The following EPHA3 variants were observed in gnomAD, a reference collection of about 807,000 sequenced individuals.
The protein encoded by EPHA3 is ephrin type-A receptor 3.
EPHA3 carries 42 observed loss-of-function variants against 107.1 expected under a neutral mutation model. The ratio of observed to expected loss-of-function variants is 0.39; its 90% CI spans 0.31 to 0.51. The LOEUF (loss-of-function observed/expected upper bound fraction) is 0.51. EPHA3 is among the 20% of genes least tolerant of loss of function. The pLI is 0.78. For synonymous variants in EPHA3, 461 were observed against 424.8 expected (o/e 1.09, Z -1.05); for missense variants, 1,183 against 1,211.2 (o/e 0.98, Z 0.35).
intron 3 of EPHA3, among the ~76,000 whole-genome samples, chr3:89,304,856 C>T (rs1706575386): frequency 6.6e-6 from 1 of 152,106 alleles, no homozygotes; most frequent in African/African-American, 2.4e-5. Context: ...ACTGATTAAT[C>T]CTAAGCACCT....
chr3:89,419,455 C>T (rs768714727), intron 11 of EPHA3, 65 bp downstream of exon 11: 95 of 1,399,456 alleles, frequency 6.8e-5, no homozygotes, highest in African/African-American at 1.0e-4. Flanking sequence ...AAACCCAACC[C>T]CAACCATTTA....
chr3:89,276,922 T>C (rs763205439), intron 3 of EPHA3, among the ~76,000 whole-genome samples: 8 of 152,162 alleles, frequency 5.3e-5, no homozygotes, highest in Non-Finnish European at 1.0e-4. Flanking sequence ...ATGTTATGGA[T>C]CAATTTAACA....
At chr3:89,422,981 CAT>C (rs916808676) in intron 11 of EPHA3, among the ~76,000 whole-genome samples, 7 of 151,314 alleles carry the variant, frequency 4.6e-5, no homozygotes, top group Non-Finnish European at 1.0e-4. Flanking sequence ...AAGGTACTAA[CAT>C]GTGTTATCAA....
At chr3:89,208,460 A>AAGAAAGAAAGAAAGAAAGAAAG (rs1706172978) in intron 2 of EPHA3, among the ~76,000 whole-genome samples, 6 of 105,056 alleles carry the variant, frequency 5.7e-5, no homozygotes, top group South Asian at 3.0e-4. Context: ...GAAAGAAAGA[A>AAGAAAGAAAGAAAGAAAGAAAG]AGAAAGAAAG....
At chr3:89,340,216 A>T (rs771922605) in intron 3 of EPHA3, among the ~76,000 whole-genome samples, 7 of 152,230 alleles carry the variant, frequency 4.6e-5, no homozygotes, top group Non-Finnish European at 8.8e-5. Flanking sequence ...AATTAAAAAG[A>T]TAACACAGTT....
intron 2 of EPHA3, among the ~76,000 whole-genome samples, chr3:89,181,032 CAT>C (rs1205736427): frequency 1.3e-5 from 2 of 151,808 alleles, no homozygotes; most frequent in Admixed American, 6.6e-5. Flanking sequence ...AATTTATTTT[CAT>C]AGTTTTGAAA....
intron 3 of EPHA3, among the ~76,000 whole-genome samples, chr3:89,238,597 T>C (rs150283480): frequency 3.3e-4 from 51 of 152,352 alleles, no homozygotes; most frequent in African/African-American, 1.1e-3. Context: ...TTCATTTTAC[T>C]GTTTTTAAAA....
intron 3 of EPHA3, among the ~76,000 whole-genome samples, chr3:89,314,443 C>T (rs542748445): frequency 6.6e-6 from 1 of 151,594 alleles, no homozygotes; most frequent in Non-Finnish European, 1.5e-5. Flanking sequence ...TAATGTGATA[C>T]AAAGCAATCT....
At chr3:89,323,958 T>C (rs1707101036) in intron 3 of EPHA3, among the ~76,000 whole-genome samples, 1 of 150,442 alleles carries the variant, frequency 6.6e-6, no homozygotes, top group South Asian at 2.1e-4. Flanking sequence ...TGGAATCCAT[T>C]TTTTTTTGCA....
Position 89,423,909 on chromosome 3 carries a change from A to G in EPHA3, c.2074+4519A>G, listed in dbSNP as rs566955210. 7.9e-5 allele frequency among the ~76,000 whole-genome samples: 12 copies of G among 151,488 alleles called. No individual in the cohort carries two copies. In the South Asian group the frequency reaches 1.4e-3, roughly 18 times the overall value. Reference sequence around the variant, plus strand: ...CGATTTGTGTGTGCCCAAAGACACCATTTCTAGAGCACTGGTTTACATATA... The same window carrying G: ...CGATTTGTGTGTGCCCAAAGACACCGTTTCTAGAGCACTGGTTTACATATA... On this transcript the variant is annotated intron_variant, in intron 11 of 16. Transcript: ENST00000336596.
chr3:89,245,078 A>G (rs1055973681), intron 3 of EPHA3, among the ~76,000 whole-genome samples: 2 of 152,180 alleles, frequency 1.3e-5, no homozygotes, highest in Non-Finnish European at 2.9e-5. Flanking sequence ...TTTGTTTGCA[A>G]TGGTTTTGAT....
chr3:89,112,256 C>A (rs1323603383), intron 1 of EPHA3, among the ~76,000 whole-genome samples: 1 of 151,950 alleles, frequency 6.6e-6, no homozygotes, highest in Non-Finnish European at 1.5e-5. Context: ...TTATTTTTAA[C>A]ATTTTTTAGT....
At chr3:89,409,466 C>T (rs1235964870) in intron 9 of EPHA3, among the ~76,000 whole-genome samples, 1 of 151,964 alleles carries the variant, frequency 6.6e-6, no homozygotes. Flanking sequence ...GGGAAGCCTA[C>T]ATCTTACGAA....
At chr3:89,304,248 T>G (rs916740099) in intron 3 of EPHA3, among the ~76,000 whole-genome samples, 3 of 152,120 alleles carry the variant, frequency 2.0e-5, no homozygotes, top group African/African-American at 7.2e-5. Context: ...GTATGAACTG[T>G]ATTTCAGCCT....
intron 3 of EPHA3, among the ~76,000 whole-genome samples, chr3:89,229,452 A>G (rs559422198): frequency 1.5e-4 from 23 of 151,860 alleles, no homozygotes; most frequent in Non-Finnish European, 3.4e-4. Flanking sequence ...AATAAGTTAT[A>G]TCTATCTTAA....
intron 3 of EPHA3, among the ~76,000 whole-genome samples, chr3:89,232,778 C>T (rs1704667990): frequency 6.6e-6 from 1 of 152,082 alleles, no homozygotes; most frequent in South Asian, 2.1e-4. Context: ...ATAATTAATC[C>T]TAAACTTTGT....
At chr3:89,323,898 C>T (rs146324355) in intron 3 of EPHA3, among the ~76,000 whole-genome samples, 13 of 152,030 alleles carry the variant, frequency 8.6e-5, no homozygotes, top group African/African-American at 3.1e-4. Flanking sequence ...AAACAGAAGC[C>T]TATGTGACAA....
chr3:89,390,785 AT>A (rs528841771), intron 5 of EPHA3, among the ~76,000 whole-genome samples: 3,049 of 131,998 alleles, frequency 0.023, 52 homozygotes, highest in African/African-American at 0.062. Context: ...ATTGAAAAGC[AT>A]TTTTTTTTTT....
At chr3:89,429,609 T>C (rs1291926674) in intron 12 of EPHA3, among the ~76,000 whole-genome samples, 1 of 152,176 alleles carries the variant, frequency 6.6e-6, no homozygotes, top group East Asian at 1.9e-4. Flanking sequence ...TGCTAAAGTA[T>C]ATATAGTTTT....
Sources: gnomAD v4.1 joint callset for allele counts (sites outside exome capture counted in the v4.1 genomes callset) on GRCh38, gnomAD v4.1.1 for gene constraint, MANE v1.5 for transcripts, NCBI Gene and HGNC (gene_info 2026-07-23, HGNC 2026-07-21) for gene names.